ZBTB20: variants seen among roughly 807,000 people sequenced by gnomAD.
The protein encoded by ZBTB20 is zinc finger and BTB domain-containing protein 20.
In ZBTB20, 9 loss-of-function variants were observed where a neutral mutation model predicts 56.9. The ratio of observed to expected loss-of-function variants is 0.16; its 90% CI spans 0.10 to 0.28. ZBTB20 has a LOEUF of 0.28. ZBTB20 is among the 10% of genes least tolerant of loss of function. The probability of loss-of-function intolerance (pLI) is 1.00; values close to 1 mark genes in which losing one functional copy is unlikely to be tolerated. For synonymous variants in ZBTB20, 417 were observed against 420.7 expected (o/e 0.99, Z 0.11); for missense variants, 655 against 1,003.0 (o/e 0.65, Z 4.69).
At chr3:115,083,605 T>C (rs1462662892) in intron 1 of ZBTB20, among the ~76,000 whole-genome samples, 1 of 152,090 alleles carries the variant, frequency 6.6e-6, no homozygotes, top group African/African-American at 2.4e-5. Flanking sequence ...AAAGAATATA[T>C]TCAGCCATTC....
At chr3:114,647,491 G>T (rs2059914197) in intron 6 of ZBTB20, among the ~76,000 whole-genome samples, 1 of 152,170 alleles carries the variant, frequency 6.6e-6, no homozygotes, top group Non-Finnish European at 1.5e-5. Context: ...AGTGAGGTTA[G>T]CTTCTGACCA....
chr3:114,752,312 C>A (rs977225241), intron 5 of ZBTB20, among the ~76,000 whole-genome samples: 24 of 152,178 alleles, frequency 1.6e-4, no homozygotes, highest in Admixed American at 1.4e-3. Flanking sequence ...AGAGAATACT[C>A]CATTTGTGTT....
rs746233372 is a variant in ZBTB20 at position 114,350,469 on chromosome 3, T to A, written c.1609A>T (p.Thr537Ser). ...GGCTGGGACACTGTCACAAACTGGG[T>A]CTGCTGGCCTGCCAGGGGCTGTGGC... ...SLPQPLAGQQ[T>S]QFVTVSQPGL... Residue 537 changes from threonine (T) to serine (S), a missense_variant, in exon 11 of 12, where the codon ACC (threonine) becomes TCC (serine). Physicochemically the swap from Thr to Ser is moderately conservative, Grantham distance 58. This residue lies in a region of ZBTB20 where 71 missense variants were observed against 89.4 expected (regional missense o/e 0.79). Transcript: ENST00000675478. 1.2e-6 allele frequency: 2 copies of A among 1,613,754 alleles called. No homozygotes were observed. Among genetic ancestry groups the A allele is most frequent in the Non-Finnish European group, 1.7e-6 (2 of 1,179,940 alleles).
intron 4 of ZBTB20, chr3:114,876,268 T>C (rs1433966553): frequency 7.7e-6 from 1 of 129,716 alleles, no homozygotes; most frequent in African/African-American, 2.7e-5. Flanking sequence ...TTTGTAGTCT[T>C]TTATCCCTCA....
intron 3 of ZBTB20, among the ~76,000 whole-genome samples, chr3:114,932,059 G>A (rs2076380144): frequency 1.3e-5 from 2 of 152,142 alleles, no homozygotes; most frequent in Admixed American, 1.3e-4. Context: ...TGAAGTCCTA[G>A]ATTTTAAAAG....
intron 7 of ZBTB20, among the ~76,000 whole-genome samples, chr3:114,435,400 C>T (rs1393539369): frequency 6.6e-6 from 1 of 152,078 alleles, no homozygotes; most frequent in African/African-American, 2.4e-5. Context: ...TGATATTTTG[C>T]CCATTTTTTT....
chr3:114,870,219 A>T (rs1304750476), intron 4 of ZBTB20, among the ~76,000 whole-genome samples: 1 of 152,126 alleles, frequency 6.6e-6, no homozygotes, highest in African/African-American at 2.4e-5. Context: ...ATCCCCAAAG[A>T]TTATTCCAGA....
chr3:114,616,905 C>T (rs2057981885), intron 6 of ZBTB20, among the ~76,000 whole-genome samples: 1 of 152,194 alleles, frequency 6.6e-6, no homozygotes, highest in East Asian at 1.9e-4. Flanking sequence ...TCTCTCCATG[C>T]CCAGCCCAAA....
At chr3:114,779,549 G>A (rs1973783) in intron 5 of ZBTB20, among the ~76,000 whole-genome samples, 23,347 of 152,122 alleles carry the variant, frequency 0.15, 2,817 homozygotes, top group African/African-American at 0.34. Flanking sequence ...ATTATTGAGT[G>A]CTATAGAGAT....
intron 7 of ZBTB20, among the ~76,000 whole-genome samples, chr3:114,471,654 C>T (rs1332401133): frequency 6.6e-6 from 1 of 152,106 alleles, no homozygotes; most frequent in Non-Finnish European, 1.5e-5. Context: ...GACTGCTTGG[C>T]TGATTTCATG....
chr3:114,617,678 TCTC>T (rs1314137502), intron 6 of ZBTB20, among the ~76,000 whole-genome samples: 1 of 152,140 alleles, frequency 6.6e-6, no homozygotes, highest in Non-Finnish European at 1.5e-5. Context: ...CCTTACTTCA[TCTC>T]CTACTAGTCT....
intron 6 of ZBTB20, among the ~76,000 whole-genome samples, chr3:114,667,786 T>C (rs1270787574): frequency 6.6e-6 from 1 of 151,960 alleles, no homozygotes; most frequent in Non-Finnish European, 1.5e-5. Context: ...TAAAATAAAG[T>C]CTGATTTATT....
At chr3:115,044,505 T>C (rs1449004860) in intron 2 of ZBTB20, among the ~76,000 whole-genome samples, 4 of 152,250 alleles carry the variant, frequency 2.6e-5, no homozygotes, top group Non-Finnish European at 4.4e-5. Context: ...AAAAGACAGC[T>C]AAACCAGATG....
intron 4 of ZBTB20, among the ~76,000 whole-genome samples, chr3:114,848,960 T>C (rs1372810426): frequency 6.6e-6 from 1 of 152,212 alleles, no homozygotes; most frequent in Non-Finnish European, 1.5e-5. Context: ...CCCCATTAAC[T>C]TTGATTTGAT....
chr3:114,452,964 G>T (rs78408334), intron 7 of ZBTB20, among the ~76,000 whole-genome samples: 4,372 of 145,034 alleles, frequency 0.03, 212 homozygotes, highest in African/African-American at 0.1. Flanking sequence ...ATTAAGAGGA[G>T]AACTTTAAGA....
chr3:114,509,788 C>G (rs535939209), intron 6 of ZBTB20, among the ~76,000 whole-genome samples: 10 of 152,244 alleles, frequency 6.6e-5, no homozygotes, highest in African/African-American at 9.6e-5. Context: ...GTTCCTGGCT[C>G]CTTGTCAGCA....
chr3:114,780,991 T>C (rs533059626), intron 5 of ZBTB20, among the ~76,000 whole-genome samples: 1 of 152,258 alleles, frequency 6.6e-6, no homozygotes, highest in Admixed American at 6.5e-5. Flanking sequence ...ACAACCATTG[T>C]AAAACTCTAT....
intron 2 of ZBTB20, among the ~76,000 whole-genome samples, chr3:115,061,395 G>T (rs1320454476): frequency 6.6e-6 from 1 of 152,006 alleles, no homozygotes; most frequent in Non-Finnish European, 1.5e-5. Context: ...AAATATGCAA[G>T]TTTTTAAAAA....
chr3:114,855,447 A>G (rs965771919), intron 4 of ZBTB20, among the ~76,000 whole-genome samples: 3 of 152,218 alleles, frequency 2.0e-5, no homozygotes, highest in African/African-American at 7.2e-5. Flanking sequence ...GAAAGGAAGA[A>G]ACATCTATTC....
Sources: allele counts gnomAD v4.1 joint callset (sites outside exome capture counted in the v4.1 genomes callset), GRCh38; gene constraint gnomAD v4.1.1; regional missense constraint gnomAD v4.1.1; transcripts MANE v1.5; gene names NCBI Gene and HGNC (gene_info 2026-07-23, HGNC 2026-07-21).